The following MLXIPL variants were observed in gnomAD, a reference collection of about 807,000 sequenced individuals.
MLXIPL encodes the protein MLX interacting protein like.
Under a neutral mutation model 81.5 loss-of-function variants are expected in MLXIPL, and 49 were observed. The ratio of observed to expected loss-of-function variants is 0.60; its 90% CI spans 0.48 to 0.76. The LOEUF is 0.76. Ranked by LOEUF, MLXIPL falls within the 30% of genes least tolerant of loss-of-function variation. The probability of loss-of-function intolerance (pLI) is 0.00; values close to 1 mark genes in which losing one functional copy is unlikely to be tolerated. For synonymous variants in MLXIPL, 466 were observed against 485.5 expected (o/e 0.96, Z 0.53); for missense variants, 1,053 against 1,167.0 (o/e 0.90, Z 1.42).
At chr7:73,605,653 C>A (rs1554597692) in intron 7 of MLXIPL, 35 bp downstream of exon 7, 2 of 1,608,434 alleles carry the variant, frequency 1.2e-6, no homozygotes, top group Admixed American at 1.7e-5. Flanking sequence ...ACAGACCCTG[C>A]CCGTCCACCC....
chr7:73,599,804 A>C, intron 7 of MLXIPL, 109 bp from the exon 8 acceptor site: 1 of 1,091,632 alleles, frequency 9.2e-7, no homozygotes, highest in Non-Finnish European at 1.3e-6. Context: ...GGACATGGGG[A>C]CTGGCGGGCA....
chr7:73,596,493 A>G lies in MLXIPL; in HGVS notation c.1823-14T>C, dbSNP rs1554593959. The G allele has an allele frequency of 1.2e-6, 2 of 1,612,734 alleles. No individual in the cohort carries two copies. Among genetic ancestry groups the G allele is most frequent in the African/African-American group, 2.7e-5 (2 of 75,010 alleles). ...GCCGTTCACTGCCTGTGGTAGGGAC[A>G]GACAGACCCACAGAAAGACCGACCC... On this transcript the variant is annotated splice_polypyrimidine_tract_variant and intron_variant, in intron 11 of 16. Transcript: ENST00000313375. This position sits in a 1 kb window ranked among gnomAD's most constrained non-coding sequence, Gnocchi z 4.7.
In MLXIPL at chr7:73,624,410, T is replaced by C. The variant is rs782660050; in HGVS notation, c.83A>G (p.Asp28Gly). Residue 28 changes from aspartate to glycine, a missense_variant, in exon 1 of 17, where the codon GAC (aspartate) becomes GGC (glycine). Asp to Gly is a moderately conservative substitution (Grantham distance 94). Transcript: ENST00000313375. The stretch of plus-strand genomic sequence containing the variant: ...GCGCCGGAGACTCGGGTCCTCCGAG[T>C]CTGTGTCCGAGTCCGAGTCTGGGCT... The part of the protein sequence containing the change: ...APSPDSDSDT[D>G]SEDPSLRRSA... 6.4e-7 allele frequency: 1 copy of C among 1,567,272 alleles called. No homozygotes were observed. Among genetic ancestry groups the C allele is most frequent in the African/African-American group, 1.4e-5 (1 of 73,740 alleles).
chr7:73,643,513 C>CAA, the MLXIPL span, among the ~76,000 whole-genome samples: 6 of 62,094 alleles, frequency 9.7e-5, no homozygotes, highest in Admixed American at 7.2e-4. Context: ...GACTCCGTCT[C>CAA]AAAAAAAAAA....
At chr7:73,603,092 A>C (rs1250320622) in intron 7 of MLXIPL, among the ~76,000 whole-genome samples, 1 of 150,904 alleles carries the variant, frequency 6.6e-6, no homozygotes, top group Non-Finnish European at 1.5e-5. Flanking sequence ...CTCCCTGAGC[A>C]CCCCTCACTA....
Position 73,596,134 on chromosome 7 carries a change from G to A in MLXIPL, c.2058+19C>T. 6.2e-7 allele frequency: 1 copy of A among 1,610,540 alleles called. No homozygotes were observed. Among genetic ancestry groups the A allele is most frequent in the South Asian group, 1.1e-5 (1 of 91,008 alleles). ...GGGCCCTGTGGTTTTGGGGGTGCCAGCCTGGGCCCGGGGCTCACCTTGAGG... is the reference window on the plus strand; with the variant it reads ...GGGCCCTGTGGTTTTGGGGGTGCCAACCTGGGCCCGGGGCTCACCTTGAGG... On this transcript the variant is annotated intron_variant, in intron 13 of 16. Transcript: ENST00000313375. This position sits in a 1 kb window ranked among gnomAD's most constrained non-coding sequence, Gnocchi z 4.7.
chr7:73,624,121 C>CA, intron 1 of MLXIPL, 79 bp downstream of exon 1: 1 of 1,468,384 alleles, frequency 6.8e-7, no homozygotes, highest in Non-Finnish European at 9.0e-7. Flanking sequence ...TTGAGGGCCC[C>CA]AGCGCGCAGT....
intron 6 of MLXIPL, 53 bp downstream of exon 6, chr7:73,605,857 C>T: frequency 6.4e-7 from 1 of 1,569,318 alleles, no homozygotes; most frequent in Admixed American, 1.9e-5. Context: ...CCTTGGCCTC[C>T]TGGAATCTCA....
chr7:73,640,587 G>A, the MLXIPL span, among the ~76,000 whole-genome samples: 2 of 151,644 alleles, frequency 1.3e-5, no homozygotes, highest in African/African-American at 4.8e-5. Flanking sequence ...GGCCAGCCTG[G>A]CCAACATGAT....
At chr7:73,603,792 A>G (rs1297874113) in intron 7 of MLXIPL, among the ~76,000 whole-genome samples, 4 of 152,186 alleles carry the variant, frequency 2.6e-5, no homozygotes, top group Non-Finnish European at 5.9e-5. Context: ...TGGAAAGTCA[A>G]TTGTGAAAAC....
Position 73,595,889 on chromosome 7 carries a change from C to T in MLXIPL, c.2139G>A (p.Glu713=). Residue 713 remains glutamate, a synonymous_variant, in exon 14 of 17, where the codon GAG becomes GAA. Transcript: ENST00000313375. ...CAATCTCATCCCGCAGCTGCTGGGC[C>T]TCCTCCTGCAAGCCCGCACGCTCCT... is the stretch of plus-strand genomic sequence containing the variant. The part of the protein sequence containing the change: ...LQQERAGLQE[E]AQQLRDEIEE... 6.2e-7 allele frequency: 1 copy of T among 1,612,812 alleles called. No homozygotes were observed.
At chr7:73,599,387 G>C (rs1399152580) in intron 8 of MLXIPL, 139 bp downstream of exon 8, 1 of 1,101,930 alleles carries the variant, frequency 9.1e-7, no homozygotes, top group Admixed American at 1.8e-5. Flanking sequence ...AGAGGGCAGA[G>C]ATGGGGTCTT....
In MLXIPL at chr7:73,596,375, C is replaced by G. The variant is rs782718074; in HGVS notation, c.1927G>C (p.Asp643His). The change falls in exon 12 of 17, where the codon GAC becomes CAC. Residue 643 changes from aspartate to histidine, a missense_variant. By Grantham distance (81) the Asp-to-His change is moderately conservative. Around this residue, in one of 3 missense-constraint regions of MLXIPL, gnomAD observed 823 missense variants for 933.0 expected, o/e 0.88. Coordinates refer to ENST00000313375, the MANE Select transcript of MLXIPL (RefSeq NM_032951.3). The surrounding 1 kb of genome is among the most constrained non-coding windows in gnomAD (Gnocchi z 4.7). ...PQPILSRGRPDSNKTENRRIT... is the reference protein window; with the variant it reads ...PQPILSRGRPHSNKTENRRIT... Reference sequence around the variant, plus strand: ...GGGATGGTGCCCACCTTGTTGCTGTCTGGACGGCCCCGGCTGAGGATGGGT... The same window carrying G: ...GGGATGGTGCCCACCTTGTTGCTGTGTGGACGGCCCCGGCTGAGGATGGGT... 2.5e-6 allele frequency: 4 copies of G among 1,612,670 alleles called. No homozygotes were observed. The East Asian group carries it at 6.7e-5, about 27-fold the overall frequency.
chr7:73,611,852 AAT>A (rs1409399607), intron 2 of MLXIPL, among the ~76,000 whole-genome samples: 1 of 151,868 alleles, frequency 6.6e-6, no homozygotes, highest in African/African-American at 2.4e-5. Flanking sequence ...CATTCTCCAA[AAT>A]GGACACTGAT....
intron 2 of MLXIPL, 105 bp downstream of exon 2, chr7:73,615,966 A>G: frequency 1.4e-6 from 1 of 707,548 alleles, no homozygotes; most frequent in Non-Finnish European, 2.5e-6. Context: ...GCTGGCCTTG[A>G]GGACCCCGGG....
At chr7:73,608,831 TTTG>T (rs1484541527) in intron 2 of MLXIPL, among the ~76,000 whole-genome samples, 1 of 152,118 alleles carries the variant, frequency 6.6e-6, no homozygotes, top group African/African-American at 2.4e-5. Context: ...CTTTTTTGTT[TTTG>T]TTGTTGTTTT....
intron 7 of MLXIPL, 126 bp downstream of exon 7, chr7:73,605,562 T>TA: frequency 1.2e-6 from 1 of 829,676 alleles, no homozygotes; most frequent in Non-Finnish European, 1.9e-6. Flanking sequence ...AATAAATAAA[T>TA]AAAAAGACAG....
chr7:73,607,413 A>G lies in MLXIPL; in HGVS notation c.491T>C (p.Val164Ala). 9 of 1,556,940 alleles carry G rather than the reference A, an allele frequency of 5.8e-6. No homozygotes were observed. Among genetic ancestry groups the G allele is most frequent in the Non-Finnish European group, 7.8e-6 (9 of 1,149,824 alleles). ...CCGCTTCCAGTAGTTCCCCTCCAGG[A>G]CCACGGCCTGGGGTAGGGGCCGGGG... ...ADAHRKPEAV[V>A]LEGNYWKRRI... The change falls in exon 4 of 17, where the codon GTC becomes GCC. Residue 164 changes from valine (V) to alanine (A), a missense_variant. Val to Ala is a moderately conservative substitution (Grantham distance 64). Transcript: ENST00000313375.
upstream of MLXIPL, among the ~76,000 whole-genome samples, chr7:73,627,931 G>A (rs1796778380): frequency 6.6e-6 from 1 of 151,956 alleles, no homozygotes; most frequent in African/African-American, 2.4e-5. Flanking sequence ...TCTTACTGGC[G>A]ATCTGTCTCA....
Sources: gnomAD v4.1 joint callset for allele counts (sites outside exome capture counted in the v4.1 genomes callset) on GRCh38, gnomAD v4.1.1 for gene constraint, gnomAD v4.1.1 regional missense constraint, Gnocchi (gnomAD v3.1) non-coding constraint, MANE v1.5 for transcripts, NCBI Gene and HGNC (gene_info 2026-07-23, HGNC 2026-07-21) for gene names.